Variants in NCAPH observed in about 807,000 individuals in gnomAD.
NCAPH encodes the protein non-SMC condensin I complex subunit H.
NCAPH carries 38 observed loss-of-function variants against 85.5 expected under a neutral mutation model. The observed-to-expected ratio is 0.44, with a 90% CI of 0.34 to 0.58. The LOEUF (loss-of-function observed/expected upper bound fraction) is 0.58. NCAPH is among the 20% of genes least tolerant of loss of function. The probability of loss-of-function intolerance (pLI) is 0.01; values close to 1 mark genes in which losing one functional copy is unlikely to be tolerated. For synonymous variants in NCAPH, 301 were observed against 335.1 expected (o/e 0.90, Z 1.11); for missense variants, 789 against 916.6 (o/e 0.86, Z 1.80).
Position 96,369,058 on chromosome 2 carries a change from G to A in NCAPH, c.2085G>A (p.Gln695=), listed in dbSNP as rs2064737526. The A allele has an allele frequency of 6.4e-7, 1 of 1,554,454 alleles. No individual in the cohort carries two copies. The highest frequency in any genetic ancestry group is 8.7e-7 in the Non-Finnish European group (1 of 1,148,494). ...TTAGCGGGCTCACGAAGGACCTGCAGAGGAGGTGCGGGCTGGCAGGCATGG... is the reference window on the plus strand; with the variant it reads ...TTAGCGGGCTCACGAAGGACCTGCAAAGGAGGTGCGGGCTGGCAGGCATGG... ...KMLSGLTKDL[Q]RSLPPVMAQN... Residue 695 remains glutamine (Q), a synonymous_variant, in exon 16 of 18, where the codon CAG becomes CAA. Transcript: ENST00000240423.
rs946813103 is a variant in NCAPH at position 96,341,831 on chromosome 2, C to T, written c.209C>T (p.Ser70Leu). ...DEKERLQRRR[S>L]RVFDLQFSTD... ...AAGGAGCGGCTGCAGCGGAGGCGCT[C>T]GAGGGTCTTTGATCTGCAGTTCAGC... Residue 70 changes from serine (S) to leucine (L), a missense_variant, in exon 2 of 18, where the codon TCG (serine) becomes TTG (leucine). Coordinates refer to ENST00000240423, the MANE Select transcript of NCAPH (RefSeq NM_015341.5). 28 of 1,613,632 alleles carry T rather than the reference C, an allele frequency of 1.7e-5. No homozygotes were observed. The Admixed American group carries it at 4.7e-4, about 27-fold the overall frequency.
chr2:96,346,211 G>C (rs2064359260), intron 6 of NCAPH, among the ~76,000 whole-genome samples: 1 of 152,112 alleles, frequency 6.6e-6, no homozygotes, highest in South Asian at 2.1e-4. Flanking sequence ...TCTTAAAACA[G>C]GAAGCCAGGT....
Position 96,360,247 on chromosome 2 carries a change from A to G in NCAPH, c.1462A>G (p.Lys488Glu). Residue 488 changes from lysine to glutamate, a missense_variant and splice_region_variant, in exon 11 of 18, where the codon AAG becomes GAG. Coordinates refer to ENST00000240423, the MANE Select transcript of NCAPH (RefSeq NM_015341.5). ...CTTTGATGTATATTTTAGAAAAACAAAGGTTTGTACTGAATTTATTAGGAT... is the reference window on the plus strand; with the variant it reads ...CTTTGATGTATATTTTAGAAAAACAGAGGTTTGTACTGAATTTATTAGGAT... Reference protein sequence around the residue: ...IDFDVYFRKTKAATILTKSTL... With the variant: ...IDFDVYFRKTEAATILTKSTL... 1 of 1,453,490 alleles carries G rather than the reference A, an allele frequency of 6.9e-7. No homozygotes were observed. The highest frequency in any genetic ancestry group is 9.6e-7 in the Non-Finnish European group (1 of 1,039,906). The allele number at this position is 1,453,490 out of a possible 1,614,324, so 90.0% of individuals were successfully genotyped here. A position where few individuals can be genotyped will look rare whatever the true frequency, so the allele number is the denominator to read the frequency against.
intron 6 of NCAPH, among the ~76,000 whole-genome samples, chr2:96,347,230 A>G (rs776887513): frequency 1.5e-4 from 22 of 150,820 alleles, no homozygotes; most frequent in Non-Finnish European, 2.7e-4. Flanking sequence ...GGGGAAGCCT[A>G]TCCTCAGGCT....
In NCAPH at chr2:96,359,149, T is replaced by A. The variant is rs1169399668; in HGVS notation, c.1313T>A (p.Met438Lys). Residue 438 changes from methionine to lysine, a missense_variant, in exon 10 of 18, where the codon ATG becomes AAG. Coordinates refer to ENST00000240423, the MANE Select transcript of NCAPH (RefSeq NM_015341.5). ...YSYFSPRTMS[M>K]WAGPDHWRFR... ...TATTTCAGTCCTCGGACCATGTCGATGTGGGCTGGCCCGGATCACTGGCGC... is the reference window on the plus strand; with the variant it reads ...TATTTCAGTCCTCGGACCATGTCGAAGTGGGCTGGCCCGGATCACTGGCGC... 1 of 1,614,248 alleles carries A rather than the reference T, an allele frequency of 6.2e-7. No homozygotes were observed. Among genetic ancestry groups the A allele is most frequent in the Admixed American group, 1.7e-5 (1 of 60,034 alleles).
At chr2:96,357,451 T>G (rs1444512393) in intron 9 of NCAPH, among the ~76,000 whole-genome samples, 1 of 152,194 alleles carries the variant, frequency 6.6e-6, no homozygotes, top group Non-Finnish European at 1.5e-5. Flanking sequence ...ATTGAATTAC[T>G]ACAGTTCAAA....
intron 12 of NCAPH, among the ~76,000 whole-genome samples, chr2:96,361,762 A>G (rs1426775482): frequency 7.9e-6 from 1 of 127,222 alleles, no homozygotes; most frequent in Non-Finnish European, 1.7e-5. Flanking sequence ...ATATATATAT[A>G]TATATACATA....
rs368378659 is a variant in NCAPH at position 96,359,147 on chromosome 2, G to T, written c.1311G>T (p.Ser437=). The change falls in exon 10 of 18, where the codon TCG becomes TCT. Residue 437 remains serine, a synonymous_variant. Coordinates refer to ENST00000240423, the MANE Select transcript of NCAPH (RefSeq NM_015341.5). ...EYSYFSPRTM[S]MWAGPDHWRF... Reference sequence around the variant, plus strand: ...CTTATTTCAGTCCTCGGACCATGTCGATGTGGGCTGGCCCGGATCACTGGC... The same window carrying T: ...CTTATTTCAGTCCTCGGACCATGTCTATGTGGGCTGGCCCGGATCACTGGC... 1.5e-4 allele frequency: 238 copies of T among 1,614,080 alleles called. No homozygotes were observed. The highest frequency in any genetic ancestry group is 6.7e-4 in the South Asian group (61 of 91,092).
chr2:96,346,718 A>G (rs1023623254), intron 6 of NCAPH, among the ~76,000 whole-genome samples: 3 of 151,958 alleles, frequency 2.0e-5, no homozygotes, highest in African/African-American at 7.3e-5. Context: ...GTTGCCAGAG[A>G]GGGGCCCTAG....
At position 96,376,032 on chromosome 2, in the gene NCAPH, G is replaced by A. The variant is rs1284807453; in HGVS notation, c.*2681G>A. ...TTCCTTTGTCAGTTACCCAGTTTCA[G>A]GTATTCTGTTATAGGTAACAGAAAA... On this transcript the variant is annotated 3_prime_UTR_variant, in exon 18 of 18. Transcript: ENST00000240423. Among the ~76,000 whole-genome samples, 1 of 152,054 alleles carries A rather than the reference G, an allele frequency of 6.6e-6. No homozygotes were observed. Among genetic ancestry groups the A allele is most frequent in the African/African-American group, 2.4e-5 (1 of 41,372 alleles).
At position 96,354,254 on chromosome 2, in the gene NCAPH, G is replaced by C. The variant is rs140054785; in HGVS notation, c.1074G>C (p.Glu358Asp). The C allele has an allele frequency of 2.3e-5, 37 of 1,613,992 alleles. No homozygotes were observed. Among genetic ancestry groups the C allele is most frequent in the Non-Finnish European group, 2.8e-5 (33 of 1,180,036 alleles). The change falls in exon 9 of 18, where the codon GAG becomes GAC. Residue 358 changes from glutamate (E) to aspartate (D), a missense_variant. By Grantham distance (45) the Glu-to-Asp change is conservative (BLOSUM62 2). Transcript: ENST00000240423. ...QVFDINAEVD[E>D]SDCGDFPDGS... is the part of the protein sequence containing the mutation. ...TTGACATCAATGCTGAAGTTGACGA[G>C]AGTGACTGTGGAGACTTCCCCGATG...
chr2:96,344,303 G>C (rs1471565799), intron 6 of NCAPH, 74 bp downstream of exon 6: 3 of 1,500,408 alleles, frequency 2.0e-6, no homozygotes, highest in East Asian at 4.7e-5. Flanking sequence ...CAGGGCTAAG[G>C]CTGCCTTGCT....
Position 96,341,855 on chromosome 2 carries a change from G to C in NCAPH, c.233G>C (p.Ser78Thr). 1 of 1,612,700 alleles carries C rather than the reference G, an allele frequency of 6.2e-7. No homozygotes were observed. The highest frequency in any genetic ancestry group is 8.5e-7 in the Non-Finnish European group (1 of 1,179,904). Residue 78 changes from serine (S) to threonine (T), a missense_variant, in exon 2 of 18, where the codon AGC becomes ACC. Transcript: ENST00000240423. ...RRSRVFDLQFSTDSPRLLASP... is the reference protein window; with the variant it reads ...RRSRVFDLQFTTDSPRLLASP... ...TCGAGGGTCTTTGATCTGCAGTTCA[G>C]CACTGACTCACCTCGCTTATTGGCC...
chr2:96,341,709 T>A lies in NCAPH; in HGVS notation c.87T>A (p.Pro29=), dbSNP rs766768950. The part of the protein sequence containing the change: ...TRGHPHSASS[P]SERVFPMPLP... ...GACACCCCCACAGTGCCTCCTCTCC[T>A]TCAGAGCGTGTGTTCCCGATGCCCC... is the stretch of plus-strand genomic sequence containing the variant. The change falls in exon 2 of 18, where the codon CCT becomes CCA. Residue 29 remains proline (P), a synonymous_variant. Transcript: ENST00000240423. 1 of 1,614,204 alleles carries A rather than the reference T, an allele frequency of 6.2e-7. No homozygotes were observed.
At chr2:96,371,643 C>T (rs1377187271) in intron 17 of NCAPH, among the ~76,000 whole-genome samples, 1 of 152,154 alleles carries the variant, frequency 6.6e-6, no homozygotes, top group African/African-American at 2.4e-5. Flanking sequence ...TGGTGGGTGG[C>T]TACAGCCCAT....
At chr2:96,347,732 C>G (rs2104438657) in intron 6 of NCAPH, among the ~76,000 whole-genome samples, 1 of 152,132 alleles carries the variant, frequency 6.6e-6, no homozygotes, top group African/African-American at 2.4e-5. Flanking sequence ...AATAAATAAG[C>G]CAGATAAAGG....
intron 6 of NCAPH, among the ~76,000 whole-genome samples, chr2:96,350,860 T>C (rs747730193): frequency 1.3e-5 from 2 of 152,206 alleles, no homozygotes; most frequent in African/African-American, 4.8e-5. Flanking sequence ...TACCCAACCG[T>C]ATCTCCTGTC....
At chr2:96,369,127 G>T in intron 16 of NCAPH, 64 bp downstream of exon 16, 3 of 1,452,438 alleles carry the variant, frequency 2.1e-6, no homozygotes, top group Non-Finnish European at 1.9e-6. Context: ...CGCGTGGCAG[G>T]CCTTCCACAC....
In NCAPH at chr2:96,377,009, A is replaced by G. The variant is rs2064838882; in HGVS notation, c.*3658A>G. ...ATTTCACATTGCATGCCTGTATCAA[A>G]ATATCTCATGTACCCCATAAATATA... On this transcript the variant is annotated 3_prime_UTR_variant, in exon 18 of 18. Coordinates refer to ENST00000240423, the MANE Select transcript of NCAPH (RefSeq NM_015341.5). Among the ~76,000 whole-genome samples the G allele has an allele frequency of 6.6e-6, 1 of 152,132 alleles. No homozygotes were observed. Among genetic ancestry groups the G allele is most frequent in the Non-Finnish European group, 1.5e-5 (1 of 68,026 alleles).
Sources: allele counts gnomAD v4.1 joint callset (sites outside exome capture counted in the v4.1 genomes callset), GRCh38; gene constraint gnomAD v4.1.1; transcripts MANE v1.5; gene names NCBI Gene and HGNC (gene_info 2026-07-23, HGNC 2026-07-21).